PSME4: variants seen among roughly 807,000 people sequenced by gnomAD.
The protein encoded by PSME4 is proteasome activator subunit 4, also known as proteasome activator complex subunit 4.
In PSME4, 89 loss-of-function variants were observed where a neutral mutation model predicts 253.9. That is an observed-to-expected ratio of 0.35 (90% CI 0.30 to 0.42). The LOEUF is 0.42. Among genes scored for constraint, PSME4 ranks in the 10% least tolerant of loss-of-function variants. PSME4 has a pLI of 1.00. For missense variants in PSME4, 2,014 were observed against 2,195.2 expected, an observed-to-expected ratio of 0.92 and a Z score of 1.65; for synonymous variants, 851 against 759.2, an observed-to-expected ratio of 1.12 and a Z score of -1.99.
At chr2:53,896,432 C>A (rs1680141019) in intron 32 of PSME4, among the ~76,000 whole-genome samples, 1 of 152,002 alleles carries the variant, frequency 6.6e-6, no homozygotes, top group Non-Finnish European at 1.5e-5. Flanking sequence ...ATGGTTTTTT[C>A]TTCTGAAAAA....
chr2:53,903,698 A>G (rs6756424), intron 27 of PSME4, among the ~76,000 whole-genome samples: 1 of 152,080 alleles, frequency 6.6e-6, no homozygotes, highest in African/African-American at 2.4e-5. Context: ...CTCAAGTTAA[A>G]CAATTATTTT....
At chr2:53,921,252 A>G (rs1250103755) in intron 17 of PSME4, 148 bp from the exon 18 acceptor site, 7 of 1,237,416 alleles carry the variant, frequency 5.7e-6, no homozygotes, top group South Asian at 4.3e-5. Context: ...ACTGCATTCT[A>G]ATAATTAATT....
At chr2:53,919,099 G>C in intron 20 of PSME4, 52 bp downstream of exon 20, 3 of 1,521,656 alleles carry the variant, frequency 2.0e-6, no homozygotes, top group Non-Finnish European at 2.7e-6. Context: ...AACTCATTAA[G>C]TGACTAAGAC....
intron 30 of PSME4, 85 bp downstream of exon 30, chr2:53,898,216 T>A (rs868377159): frequency 3.1e-6 from 4 of 1,309,714 alleles, no homozygotes; most frequent in Non-Finnish European, 4.2e-6. Flanking sequence ...TTTTGTGACA[T>A]AGTCATTCAT....
At chr2:53,919,289 T>C (rs1432021460) in intron 19 of PSME4, 43 bp from the exon 20 acceptor site, 4 of 1,539,328 alleles carry the variant, frequency 2.6e-6, no homozygotes, top group African/African-American at 1.4e-5. Flanking sequence ...CAAATCCCTA[T>C]TTAATAAGCC....
rs181748325 is a variant in PSME4, at chr2:53,954,221, G to C, written c.243-4938C>G. ...CACGCGCCTGCAAACCCAGCTACTC[G>C]GGAGTCTGAGGCAGGAGAATCGCTT... is the stretch of plus-strand genomic sequence containing the variant. On this transcript the variant is annotated intron_variant, in intron 1 of 46. Coordinates refer to ENST00000404125, the MANE Select transcript of PSME4 (RefSeq NM_014614.3). Among the ~76,000 whole-genome samples the C allele has an allele frequency of 1.3e-3, 205 of 152,224 alleles. 2 individuals are homozygous for C. Among genetic ancestry groups the C allele is most frequent in the African/African-American group, 4.9e-3 (204 of 41,542 alleles).
chr2:53,936,978 A>C, intron 5 of PSME4, 151 bp from the exon 6 acceptor site: 1 of 571,444 alleles, frequency 1.7e-6, no homozygotes, highest in Admixed American at 3.3e-5. Context: ...AATAAAACAA[A>C]GGGGTATTTC....
intron 13 of PSME4, 61 bp downstream of exon 13, chr2:53,925,898 T>G: frequency 2.0e-6 from 3 of 1,505,248 alleles, no homozygotes; most frequent in Non-Finnish European, 1.8e-6. Flanking sequence ...CTAAACTTTC[T>G]GGGATAGAAG....
rs1670471042 is a variant in PSME4, at chr2:53,960,937, G to T, written c.242+9606C>A. Among the ~76,000 whole-genome samples, 5 of 152,084 alleles carry T rather than the reference G, an allele frequency of 3.3e-5. No homozygotes were observed. In the South Asian group the frequency reaches 1.0e-3, roughly 32 times the overall value. ...AGCCTGACCAACATGGAGAAACCCA[G>T]TCTCTACTAAAAGTACAAAACTAGC... On this transcript the variant is annotated intron_variant, in intron 1 of 46. Transcript: ENST00000404125.
intron 43 of PSME4, among the ~76,000 whole-genome samples, chr2:53,873,861 G>C (rs1679005203): frequency 6.6e-6 from 1 of 152,144 alleles, no homozygotes; most frequent in African/African-American, 2.4e-5. Flanking sequence ...CTGCAAAGAA[G>C]ACAGAACGAA....
At chr2:53,904,253 T>C (rs898584176) in intron 26 of PSME4, 97 bp from the exon 27 acceptor site, 2 of 1,229,674 alleles carry the variant, frequency 1.6e-6, no homozygotes, top group Non-Finnish European at 1.1e-6. Context: ...AATTTACATG[T>C]TTTTCTCATT....
intron 44 of PSME4, among the ~76,000 whole-genome samples, chr2:53,868,915 A>C (rs1246780975): frequency 6.6e-6 from 1 of 152,006 alleles, no homozygotes; most frequent in African/African-American, 2.4e-5. Flanking sequence ...ATTCAATTAG[A>C]TTGGAAGCTC....
At chr2:53,876,253 T>C (rs946843543) in intron 41 of PSME4, among the ~76,000 whole-genome samples, 2 of 152,170 alleles carry the variant, frequency 1.3e-5, no homozygotes, top group East Asian at 3.8e-4. Flanking sequence ...TTTCAATGCA[T>C]ATATTCCCCC....
chr2:53,937,632 A>G (rs974885550), intron 4 of PSME4, 92 bp from the exon 5 acceptor site: 6 of 1,177,988 alleles, frequency 5.1e-6, no homozygotes, highest in Non-Finnish European at 6.2e-6. Flanking sequence ...CTGGGGGAGG[A>G]GGAGAATATA....
At chr2:53,936,227 C>G in intron 6 of PSME4, 66 bp from the exon 7 acceptor site, 3 of 1,591,108 alleles carry the variant, frequency 1.9e-6, no homozygotes, top group Non-Finnish European at 2.6e-6. Context: ...CATAGTCACA[C>G]CCCTCCTCCA....
intron 3 of PSME4, among the ~76,000 whole-genome samples, chr2:53,945,334 G>A (rs534901733): frequency 8.5e-5 from 13 of 152,084 alleles, no homozygotes; most frequent in African/African-American, 2.9e-4. Flanking sequence ...TTCTTATATC[G>A]CTAACAATTA....
intron 20 of PSME4, among the ~76,000 whole-genome samples, chr2:53,914,257 A>G (rs1359501502): frequency 6.6e-6 from 1 of 152,186 alleles, no homozygotes; most frequent in Non-Finnish European, 1.5e-5. Flanking sequence ...ATGGACTGCA[A>G]AAGGAAAAAT....
At chr2:53,905,044 G>T (rs1409093676) in intron 26 of PSME4, among the ~76,000 whole-genome samples, 6 of 133,200 alleles carry the variant, frequency 4.5e-5, no homozygotes, top group African/African-American at 1.4e-4. Context: ...ACTATAACCA[G>T]TTTTTTTTTT....
At chr2:53,964,697 T>A (rs1396220245) in intron 1 of PSME4, among the ~76,000 whole-genome samples, 1 of 152,210 alleles carries the variant, frequency 6.6e-6, no homozygotes, top group Non-Finnish European at 1.5e-5. Flanking sequence ...AGCATTTCCT[T>A]TCTTTCCCAA....
Sources: allele counts gnomAD v4.1 joint callset (sites outside exome capture counted in the v4.1 genomes callset), GRCh38; gene constraint gnomAD v4.1.1; transcripts MANE v1.5; gene names NCBI Gene and HGNC (gene_info 2026-07-23, HGNC 2026-07-21).